The following ZNF565 variants were observed in gnomAD, a reference collection of about 807,000 sequenced individuals.
ZNF565 encodes zinc finger protein 565.
In ZNF565, 27 loss-of-function variants were observed where a neutral mutation model predicts 39.4. That is an observed-to-expected ratio of 0.69 (90% CI 0.51 to 0.95). ZNF565 has a LOEUF of 0.95. ZNF565 is among the 40% of genes least tolerant of loss of function. The probability of loss-of-function intolerance (pLI) is 0.00; values close to 1 mark genes in which losing one functional copy is unlikely to be tolerated. For missense variants in ZNF565, 524 were observed against 621.1 expected, an observed-to-expected ratio of 0.84 and a Z score of 1.66; for synonymous variants, 185 against 216.6, an observed-to-expected ratio of 0.85 and a Z score of 1.28.
chr19:36,195,999 C>T (rs550093672), intron 2 of ZNF565, among the ~76,000 whole-genome samples: 40 of 150,216 alleles, frequency 2.7e-4, no homozygotes, highest in Non-Finnish European at 4.7e-4. Flanking sequence ...TGCAGTGGCA[C>T]GATCTTGGCT....
At chr19:36,194,647 C>T (rs1430428223) in intron 3 of ZNF565, 5 of 464,786 alleles carry the variant, frequency 1.1e-5, no homozygotes, top group African/African-American at 3.9e-5. Flanking sequence ...CCTCCTTCCC[C>T]TCCAATCTAT....
chr19:36,240,586 G>A (rs1276107884), intron 1 of ZNF565, among the ~76,000 whole-genome samples: 1 of 152,102 alleles, frequency 6.6e-6, no homozygotes, highest in African/African-American at 2.4e-5. Context: ...GGCCATGAAG[G>A]GGCTGGTCGT....
chr19:36,217,416 A>G (rs1235729750), upstream of ZNF565, among the ~76,000 whole-genome samples: 1 of 152,004 alleles, frequency 6.6e-6, no homozygotes, highest in Non-Finnish European at 1.5e-5. Context: ...GAAAAGAAAA[A>G]CAGTTCATGC....
chr19:36,210,027 C>T (rs1413304144), intron 1 of ZNF565, among the ~76,000 whole-genome samples: 3 of 151,882 alleles, frequency 2.0e-5, no homozygotes, highest in Non-Finnish European at 4.4e-5. Context: ...CTTTGGGATG[C>T]CGAGGAAGGA....
chr19:36,238,272 A>G (rs541334023), intron 1 of ZNF565: 2 of 167,258 alleles, frequency 1.2e-5, no homozygotes, highest in Admixed American at 6.5e-5. Flanking sequence ...AAGTTTCCTC[A>G]TAAAACTCAG....
At chr19:36,229,000 C>A (rs946867326) in intron 1 of ZNF565, among the ~76,000 whole-genome samples, 3 of 152,214 alleles carry the variant, frequency 2.0e-5, no homozygotes, top group Non-Finnish European at 4.4e-5. Flanking sequence ...TCTTCTTTCA[C>A]CAGATTCTAG....
chr19:36,185,757 C>A (rs1975273750), intron 4 of ZNF565, among the ~76,000 whole-genome samples: 1 of 149,664 alleles, frequency 6.7e-6, no homozygotes, highest in South Asian at 2.2e-4. Flanking sequence ...TACTCTGTCC[C>A]CCAGGCGCTC....
chr19:36,185,959 G>C (rs1975283066), intron 4 of ZNF565, among the ~76,000 whole-genome samples: 1 of 151,646 alleles, frequency 6.6e-6, no homozygotes. Flanking sequence ...CTCTCAAAGT[G>C]CTGGGATTAC....
intron 2 of ZNF565, among the ~76,000 whole-genome samples, chr19:36,198,587 A>G (rs563746810): frequency 6.6e-6 from 1 of 151,684 alleles, no homozygotes; most frequent in African/African-American, 2.4e-5. Flanking sequence ...ACTATAGTCA[A>G]TAAGAACTTA....
At chr19:36,207,409 G>A (rs930782418) in intron 1 of ZNF565, among the ~76,000 whole-genome samples, 3 of 152,000 alleles carry the variant, frequency 2.0e-5, no homozygotes, top group Non-Finnish European at 4.4e-5. Flanking sequence ...GTATGGTGGT[G>A]AGCACCTGTA....
Position 36,201,958 on chromosome 19 carries a change from A to G in ZNF565, c.9+19T>C. ...CGGGAAGACAGATCATTCTAAGGATAGAAGGAATTTCAACATACCTGGGCC... is the reference window on the plus strand; with the variant it reads ...CGGGAAGACAGATCATTCTAAGGATGGAAGGAATTTCAACATACCTGGGCC... On this transcript the variant is annotated intron_variant, in intron 2 of 4. Transcript: ENST00000304116. The G allele has an allele frequency of 6.2e-7, 1 of 1,613,612 alleles. No homozygotes were observed. The highest frequency in any genetic ancestry group is 2.2e-5 in the East Asian group (1 of 44,868).
At chr19:36,193,424 A>G (rs1482451672) in intron 4 of ZNF565, among the ~76,000 whole-genome samples, 1 of 150,836 alleles carries the variant, frequency 6.6e-6, no homozygotes, top group Non-Finnish European at 1.5e-5. Context: ...GGCCAAGAAA[A>G]TAAGTTTTTC....
chr19:36,245,625 C>T lies in ZNF565; in HGVS notation c.-95G>A. The T allele has an allele frequency of 1.4e-6, 1 of 698,730 alleles. No homozygotes were observed. The highest frequency in any genetic ancestry group is 2.6e-6 in the Non-Finnish European group (1 of 382,408). 43.3% of individuals were successfully genotyped at this position (698,730 alleles called of 1,614,324 possible). On this transcript the variant is annotated 5_prime_UTR_variant, in exon 1 of 5. Coordinates refer to the ZNF565 transcript ENST00000355114. This position sits in a 1 kb window ranked among gnomAD's most constrained non-coding sequence, Gnocchi z 4.4. ...CAGCCTCCCAGCTTCGAGGCTACCA[C>T]CTGCCCGAATTGGTGCTTTGGCAGA...
intron 1 of ZNF565, among the ~76,000 whole-genome samples, chr19:36,213,921 C>T (rs919660026): frequency 7.8e-6 from 1 of 128,336 alleles, no homozygotes; most frequent in Non-Finnish European, 1.7e-5. Flanking sequence ...ATCTACTCTC[C>T]ACTGTGATAC....
chr19:36,212,816 T>C (rs926596810), intron 1 of ZNF565, among the ~76,000 whole-genome samples: 5 of 152,128 alleles, frequency 3.3e-5, no homozygotes, highest in African/African-American at 4.8e-5. Flanking sequence ...CAGGTTACTT[T>C]GGTAGGGGTG....
chr19:36,197,285 AAAC>A (rs571202635), intron 2 of ZNF565, among the ~76,000 whole-genome samples: 3 of 151,400 alleles, frequency 2.0e-5, no homozygotes, highest in Non-Finnish European at 2.9e-5. Flanking sequence ...AAAAACAAAC[AAAC>A]AACAACAACA....
Position 36,220,278 on chromosome 19 carries a change from C to T in ZNF565, c.56-18228G>A, listed in dbSNP as rs190939281. On this transcript the variant is annotated intron_variant, in intron 1 of 4. Coordinates refer to the ZNF565 transcript ENST00000355114. ...ACATTTTTAATGTATTTTTAAAAAT[C>T]ATGAGTCCATATTCGTATTTCTAAT... 1.1e-3 allele frequency among the ~76,000 whole-genome samples: 160 copies of T among 151,954 alleles called. 2 individuals carry two copies. Among genetic ancestry groups the T allele is most frequent in the African/African-American group, 3.7e-3 (155 of 41,502 alleles).
At chr19:36,232,851 T>A (rs148802017) in intron 1 of ZNF565, among the ~76,000 whole-genome samples, 1 of 152,268 alleles carries the variant, frequency 6.6e-6, no homozygotes, top group Non-Finnish European at 1.5e-5. Flanking sequence ...CCCACAGTGC[T>A]GGGATTACAG....
chr19:36,242,706 T>C (rs1231090206), intron 1 of ZNF565, among the ~76,000 whole-genome samples: 3 of 152,124 alleles, frequency 2.0e-5, no homozygotes, highest in Non-Finnish European at 2.9e-5. Context: ...GCCTGGGTGA[T>C]AGAGCAAGAC....
Sources: allele counts gnomAD v4.1 joint callset (sites outside exome capture counted in the v4.1 genomes callset), GRCh38; gene constraint gnomAD v4.1.1; non-coding constraint Gnocchi (gnomAD v3.1); transcripts MANE v1.5; gene names NCBI Gene and HGNC (gene_info 2026-07-23, HGNC 2026-07-21).